SPEF2: variants seen among roughly 807,000 people sequenced by gnomAD.
SPEF2 encodes the protein sperm flagella and cilia-associated protein 2.
Under a neutral mutation model 224.6 loss-of-function variants are expected in SPEF2, and 187 were observed. The ratio of observed to expected loss-of-function variants is 0.83; its 90% confidence interval spans 0.74 to 0.94. The LOEUF (loss-of-function observed/expected upper bound fraction) is 0.94, where lower values mean the gene tolerates loss of function less well. Ranked by LOEUF, SPEF2 falls within the 40% of genes least tolerant of loss-of-function variation. The pLI, the probability that SPEF2 is intolerant of heterozygous loss-of-function variation, is 0.00. For missense variants in SPEF2, 2,170 were observed against 2,135.6 expected (o/e 1.02, Z -0.32); for synonymous variants, 715 against 707.3 (o/e 1.01, Z -0.17).
intron 19 of SPEF2, 48 bp from the exon 20 acceptor site, chr5:35,712,764 C>T: frequency 1.3e-6 from 2 of 1,561,166 alleles, no homozygotes; most frequent in Non-Finnish European, 1.8e-6. Flanking sequence ...ATAGCCCAGG[C>T]TATTGAAGTA....
At chr5:35,750,509 G>A (rs569566826) in intron 23 of SPEF2, among the ~76,000 whole-genome samples, 1 of 151,264 alleles carries the variant, frequency 6.6e-6, no homozygotes, top group Non-Finnish European at 1.5e-5. Flanking sequence ...AAGAAAAAAA[G>A]AATCCCATCA....
chr5:35,678,275 A>G (rs1561182352), intron 10 of SPEF2, among the ~76,000 whole-genome samples: 1 of 152,236 alleles, frequency 6.6e-6, no homozygotes, highest in South Asian at 2.1e-4. Flanking sequence ...TTTCCTGATG[A>G]TCCAGAATTA....
intron 30 of SPEF2, among the ~76,000 whole-genome samples, chr5:35,783,754 G>GT (rs1754675567): frequency 6.6e-6 from 1 of 152,274 alleles, no homozygotes; most frequent in East Asian, 1.9e-4. Flanking sequence ...GTGTGCTCCA[G>GT]TAAGTTCTGG....
At chr5:35,729,793 G>A (rs1580479619) in intron 21 of SPEF2, among the ~76,000 whole-genome samples, 1 of 152,040 alleles carries the variant, frequency 6.6e-6, no homozygotes, top group South Asian at 2.1e-4. Flanking sequence ...TGCTGTTCTC[G>A]TGATAGTGAA....
chr5:35,797,136 G>A (rs1452713796), intron 33 of SPEF2, among the ~76,000 whole-genome samples: 1 of 152,166 alleles, frequency 6.6e-6, no homozygotes, highest in Non-Finnish European at 1.5e-5. Flanking sequence ...TCAATCAAAG[G>A]CAGAATCTTT....
At chr5:35,793,111 A>G (rs1419000868) in intron 31 of SPEF2, 48 bp from the exon 32 acceptor site, 8 of 1,542,100 alleles carry the variant, frequency 5.2e-6, no homozygotes, top group Non-Finnish European at 6.2e-6. Flanking sequence ...TAGAGCATCA[A>G]GATAGATTCA....
chr5:35,661,479 A>T (rs1437852611), intron 8 of SPEF2, among the ~76,000 whole-genome samples: 2 of 151,076 alleles, frequency 1.3e-5, no homozygotes, highest in East Asian at 3.9e-4. Context: ...TACATAGGTA[A>T]ATGTGTGTCA....
At chr5:35,622,364 A>T (rs1231495784) in intron 1 of SPEF2, among the ~76,000 whole-genome samples, 2 of 152,206 alleles carry the variant, frequency 1.3e-5, no homozygotes, top group African/African-American at 4.8e-5. Context: ...ATAGAGATAT[A>T]AAAAAATCCC....
intron 20 of SPEF2, among the ~76,000 whole-genome samples, chr5:35,725,363 T>A (rs80140766): frequency 0.033 from 4,956 of 152,278 alleles, 116 homozygotes; most frequent in South Asian, 0.053. Flanking sequence ...TGTTAATTAA[T>A]TTAAGTCCTA....
At chr5:35,811,495 G>T (rs935704803) in intron 36 of SPEF2, among the ~76,000 whole-genome samples, 1 of 152,068 alleles carries the variant, frequency 6.6e-6, no homozygotes, top group Non-Finnish European at 1.5e-5. Context: ...ATGAGAGTGG[G>T]CTCTGGAGCT....
At chr5:35,658,971 G>A (rs754610222) in intron 7 of SPEF2, 48 bp from the exon 8 acceptor site, 14 of 1,425,714 alleles carry the variant, frequency 9.8e-6, no homozygotes, top group Middle Eastern at 2.2e-4. Flanking sequence ...GTAGCTCAGC[G>A]GGAAATTTGG....
At chr5:35,691,869 G>A (rs796696541) in intron 11 of SPEF2, among the ~76,000 whole-genome samples, 1 of 151,836 alleles carries the variant, frequency 6.6e-6, no homozygotes, top group African/African-American at 2.4e-5. Context: ...GCACAATCTC[G>A]GCCCACTGCA....
chr5:35,754,682 T>C (rs1750183648), intron 24 of SPEF2, among the ~76,000 whole-genome samples: 1 of 152,094 alleles, frequency 6.6e-6, no homozygotes, highest in Admixed American at 6.5e-5. Flanking sequence ...AAAGGAACAG[T>C]GAAAGGATTT....
At chr5:35,625,027 A>G (rs1320504446) in intron 1 of SPEF2, among the ~76,000 whole-genome samples, 2 of 151,960 alleles carry the variant, frequency 1.3e-5, no homozygotes, top group African/African-American at 4.8e-5. Context: ...TCCTATATGT[A>G]TTCTTTTTTC....
chr5:35,779,469 C>T lies in SPEF2; in HGVS notation c.4447+123C>T, dbSNP rs925419767. 1.0e-5 allele frequency: 7 copies of T among 690,434 alleles called. No homozygotes were observed. The Admixed American group carries it at 2.0e-4, about 20-fold the overall frequency. 42.8% of individuals were successfully genotyped at this position (690,434 alleles called of 1,614,324 possible). ...CATGTGGCACTAAAACATGCCCTTG[C>T]TTTGTTCTAGTTTATTAAATATTTG... is the stretch of plus-strand genomic sequence containing the variant. On this transcript the variant is annotated intron_variant, in intron 30 of 36. Transcript: ENST00000356031.
chr5:35,721,149 G>A (rs1743593151), intron 20 of SPEF2, among the ~76,000 whole-genome samples: 1 of 152,114 alleles, frequency 6.6e-6, no homozygotes, highest in South Asian at 2.1e-4. Context: ...TGTTCACACA[G>A]AGAACCTTTT....
intron 17 of SPEF2, among the ~76,000 whole-genome samples, chr5:35,704,991 GTTA>G (rs1282668770): frequency 3.3e-5 from 5 of 152,202 alleles, no homozygotes; most frequent in Non-Finnish European, 5.9e-5. Flanking sequence ...ACTTCAAAAA[GTTA>G]GTCATCGGAG....
intron 8 of SPEF2, among the ~76,000 whole-genome samples, chr5:35,661,282 ATATATATAT>A (rs1308841036): frequency 3.1e-5 from 2 of 65,180 alleles, no homozygotes; most frequent in Non-Finnish European, 6.2e-5. Context: ...ATATATATAT[ATATATATAT>A]ATATATATTA....
chr5:35,657,631 A>G (rs1245058868), intron 7 of SPEF2, among the ~76,000 whole-genome samples: 4 of 152,170 alleles, frequency 2.6e-5, no homozygotes, highest in Non-Finnish European at 5.9e-5. Flanking sequence ...AGGATCATCA[A>G]CTGAGATGGG....
Sources: gnomAD v4.1 joint callset for allele counts (sites outside exome capture counted in the v4.1 genomes callset) on GRCh38, gnomAD v4.1.1 for gene constraint, MANE v1.5 for transcripts, NCBI Gene and HGNC (gene_info 2026-07-23, HGNC 2026-07-21) for gene names.